Variants in TRIM71 observed in about 807,000 individuals in gnomAD.
TRIM71 encodes tripartite motif containing 71.
Under a neutral mutation model 61.2 loss-of-function variants are expected in TRIM71, and 9 were observed. The ratio of observed to expected loss-of-function variants is 0.15; its 90% CI spans 0.09 to 0.26. The LOEUF (loss-of-function observed/expected upper bound fraction) is 0.26. Ranked by LOEUF, TRIM71 falls within the 10% of genes least tolerant of loss-of-function variation. The pLI, the probability that TRIM71 is intolerant of heterozygous loss-of-function variation, is 1.00. For synonymous variants in TRIM71, 645 were observed against 553.2 expected (o/e 1.17, Z -2.33); for missense variants, 998 against 1,238.7 (o/e 0.81, Z 2.92).
chr3:32,818,813 C>G lies in TRIM71; in HGVS notation c.733C>G (p.Pro245Ala). 1 of 1,609,882 alleles carries G rather than the reference C, an allele frequency of 6.2e-7. No individual in the cohort carries two copies. Among genetic ancestry groups the G allele is most frequent in the Non-Finnish European group, 8.5e-7 (1 of 1,178,516 alleles). The change falls in exon 1 of 4, where the codon CCC becomes GCC. Residue 245 changes from proline to alanine, a missense_variant. Coordinates refer to ENST00000383763, the MANE Select transcript of TRIM71 (RefSeq NM_001039111.3). ...DHYIERGPPG[P>A]GAAAAAQQLG... ...CTACATCGAGCGCGGCCCGCCGGGT[C>G]CCGGTGCCGCAGCAGCGGCGCAGCA... is the stretch of plus-strand genomic sequence containing the variant.
At chr3:32,882,164 T>C (rs1196254050) in intron 2 of TRIM71, among the ~76,000 whole-genome samples, 2 of 151,884 alleles carry the variant, frequency 1.3e-5, no homozygotes, top group Non-Finnish European at 2.9e-5. Context: ...TTTGCTCTTG[T>C]AGCCCAGGCT....
intron 1 of TRIM71, among the ~76,000 whole-genome samples, chr3:32,833,163 A>G (rs1341056624): frequency 7.0e-6 from 1 of 143,172 alleles, no homozygotes; most frequent in Non-Finnish European, 1.5e-5. Context: ...AGCCTCGGTG[A>G]CAAGAATGAA....
At chr3:32,841,689 G>A (rs1204108413) in intron 1 of TRIM71, among the ~76,000 whole-genome samples, 1 of 151,946 alleles carries the variant, frequency 6.6e-6, no homozygotes, top group Non-Finnish European at 1.5e-5. Flanking sequence ...TACATTCTTT[G>A]GCTTAACGTG....
intron 1 of TRIM71, among the ~76,000 whole-genome samples, chr3:32,855,835 A>G (rs1377041331): frequency 6.6e-6 from 1 of 152,108 alleles, no homozygotes; most frequent in Non-Finnish European, 1.5e-5. Flanking sequence ...TGTTTATAAA[A>G]CAACCCACAG....
intron 1 of TRIM71, among the ~76,000 whole-genome samples, chr3:32,827,508 G>A (rs1337898454): frequency 2.6e-5 from 4 of 151,938 alleles, no homozygotes; most frequent in Admixed American, 6.6e-5. Context: ...GTGATCTGCC[G>A]CCTCAGCCTC....
chr3:32,891,645 G>A lies in TRIM71; in HGVS notation c.2441G>A (p.Arg814Lys). ...GGGCGCATCATTGTGGCGGATTCCAGGAACCATCGGGTACAGATGTTTGAA... is the reference window on the plus strand; with the variant it reads ...GGGCGCATCATTGTGGCGGATTCCAAGAACCATCGGGTACAGATGTTTGAA... ...QEGRIIVADS[R>K]NHRVQMFESN... Residue 814 changes from arginine (R) to lysine (K), a missense_variant, in exon 4 of 4, where the codon AGG becomes AAG. Physicochemically the swap from Arg to Lys is conservative, Grantham distance 26. Around this residue, in one of 5 missense-constraint regions of TRIM71, gnomAD observed 95 missense variants for 159.0 expected, o/e 0.60. Coordinates refer to ENST00000383763, the MANE Select transcript of TRIM71 (RefSeq NM_001039111.3). The surrounding 1 kb of genome is among the most constrained non-coding windows in gnomAD (Gnocchi z 8.2). 6.2e-7 allele frequency: 1 copy of A among 1,613,320 alleles called. No individual in the cohort carries two copies. Among genetic ancestry groups the A allele is most frequent in the African/African-American group, 1.3e-5 (1 of 75,062 alleles).
chr3:32,825,320 T>A (rs901460917), intron 1 of TRIM71, among the ~76,000 whole-genome samples: 2 of 152,214 alleles, frequency 1.3e-5, no homozygotes, highest in Non-Finnish European at 2.9e-5. Flanking sequence ...CGCTTTTTTT[T>A]AAGTGGTTTG....
intron 1 of TRIM71, among the ~76,000 whole-genome samples, chr3:32,843,082 C>CT (rs1454395448): frequency 6.6e-6 from 1 of 152,066 alleles, no homozygotes; most frequent in Non-Finnish European, 1.5e-5. Flanking sequence ...GGGTATAGGC[C>CT]TGGAACATTG....
chr3:32,818,305 G>C lies in TRIM71; in HGVS notation c.225G>C (p.Leu75=), dbSNP rs1169083949. 1 of 1,436,498 alleles carries C rather than the reference G, an allele frequency of 7.0e-7. No individual in the cohort carries two copies. The allele number at this position is 1,436,498 out of a possible 1,614,324, so 89.0% of individuals were successfully genotyped here. A position where few individuals can be genotyped will look rare whatever the true frequency, so the allele number is the denominator to read the frequency against. The part of the protein sequence containing the change: ...FCRPCLEAHR[L]PAAGGGAAGE... ...GCCCCTGCCTCGAGGCGCACCGGCT[G>C]CCGGCGGCGGGCGGCGGCGCGGCGG... The change falls in exon 1 of 4, where the codon CTG becomes CTC. Residue 75 remains leucine (L), a synonymous_variant. Coordinates refer to ENST00000383763, the MANE Select transcript of TRIM71 (RefSeq NM_001039111.3).
intron 1 of TRIM71, among the ~76,000 whole-genome samples, chr3:32,823,933 G>C (rs964557395): frequency 1.3e-5 from 2 of 152,172 alleles, no homozygotes; most frequent in East Asian, 3.9e-4. Context: ...AAATTAGCCA[G>C]GCGTGGTGGC....
chr3:32,821,927 T>G (rs1407060313), intron 1 of TRIM71, among the ~76,000 whole-genome samples: 2 of 152,094 alleles, frequency 1.3e-5, no homozygotes, highest in Non-Finnish European at 2.9e-5. Flanking sequence ...ACGGCCGCTC[T>G]GGTCATGGAG....
In TRIM71 at chr3:32,876,882, G is replaced by A. The variant is rs184127714; in HGVS notation, c.1020+2897G>A. Among the ~76,000 whole-genome samples the A allele has an allele frequency of 1.5e-3, 236 of 152,264 alleles. 1 individual carries two copies. The highest frequency in any genetic ancestry group is 9.3e-4 in the Non-Finnish European group (63 of 68,026). On this transcript the variant is annotated intron_variant, in intron 2 of 3. Transcript: ENST00000383763. The stretch of plus-strand genomic sequence containing the variant: ...GGAAATTCTGTGGGGAGAAAAGAGT[G>A]TGGGGAAAATAAATATAGTCAGCTG...
intron 2 of TRIM71, among the ~76,000 whole-genome samples, chr3:32,878,648 T>C (rs779542685): frequency 2.6e-5 from 4 of 152,088 alleles, no homozygotes; most frequent in Non-Finnish European, 5.9e-5. Context: ...ATAAAAATTT[T>C]AAAAATTCCG....
intron 3 of TRIM71, among the ~76,000 whole-genome samples, chr3:32,886,583 C>T (rs1696964258): frequency 6.6e-6 from 1 of 152,336 alleles, no homozygotes; most frequent in African/African-American, 2.4e-5. Context: ...CCACCCAAGC[C>T]AGCATTCCAA....
intron 1 of TRIM71, among the ~76,000 whole-genome samples, chr3:32,838,727 A>G (rs1696364057): frequency 6.6e-6 from 1 of 152,130 alleles, no homozygotes; most frequent in African/African-American, 2.4e-5. Flanking sequence ...CTGTTGGTCA[A>G]TTGGATGTGA....
chr3:32,829,414 C>G (rs1287839792), intron 1 of TRIM71, among the ~76,000 whole-genome samples: 1 of 151,906 alleles, frequency 6.6e-6, no homozygotes, highest in Non-Finnish European at 1.5e-5. Context: ...AAACTCCAAC[C>G]TCAGGTGATC....
Position 32,894,323 on chromosome 3 carries a change from C to T in TRIM71, c.*2512C>T, listed in dbSNP as rs541228419. On this transcript the variant is annotated 3_prime_UTR_variant, in exon 4 of 4. Transcript: ENST00000383763. ...CCCAGATGTAGGAAAATTTTGGGACCTGAATGAGAAATGTTCTTGGTGCAT... is the reference window on the plus strand; with the variant it reads ...CCCAGATGTAGGAAAATTTTGGGACTTGAATGAGAAATGTTCTTGGTGCAT... 1 of 152,110 alleles carries T rather than the reference C, an allele frequency of 6.6e-6. No individual in the cohort carries two copies. The highest frequency in any genetic ancestry group is 1.5e-5 in the Non-Finnish European group (1 of 68,026). 9.4% of individuals were successfully genotyped at this position (152,110 alleles called of 1,614,324 possible).
chr3:32,873,460 G>C (rs1696820119), intron 1 of TRIM71, among the ~76,000 whole-genome samples: 1 of 152,140 alleles, frequency 6.6e-6, no homozygotes, highest in African/African-American at 2.4e-5. Flanking sequence ...AACTTTTCTG[G>C]ATAATGAAGC....
chr3:32,889,195 C>G (rs1256118903), intron 3 of TRIM71, among the ~76,000 whole-genome samples: 2 of 151,968 alleles, frequency 1.3e-5, no homozygotes, highest in African/African-American at 4.8e-5. Context: ...ACTGCAGTAC[C>G]TCCAATGCCT....
Sources: allele counts gnomAD v4.1 joint callset (sites outside exome capture counted in the v4.1 genomes callset), GRCh38; gene constraint gnomAD v4.1.1; regional missense constraint gnomAD v4.1.1; non-coding constraint Gnocchi (gnomAD v3.1); transcripts MANE v1.5; gene names NCBI Gene and HGNC (gene_info 2026-07-23, HGNC 2026-07-21).